Variants in GRAMD1B observed in about 807,000 individuals in gnomAD.
GRAMD1B encodes the protein protein Aster-B.
GRAMD1B carries 37 observed loss-of-function variants against 99.7 expected under a neutral mutation model. That is an observed-to-expected ratio of 0.37 (90% CI 0.29 to 0.49). The LOEUF (loss-of-function observed/expected upper bound fraction) is 0.49, where lower values mean the gene tolerates loss of function less well. Among genes scored for constraint, GRAMD1B ranks in the 20% least tolerant of loss-of-function variants. The pLI is 0.98. For missense variants in GRAMD1B, 888 were observed against 1,009.2 expected, an observed-to-expected ratio of 0.88 and a Z score of 1.63; for synonymous variants, 427 against 387.6, an observed-to-expected ratio of 1.10 and a Z score of -1.19.
chr11:123,583,319 G>C (rs1175990393), intron 3 of GRAMD1B, among the ~76,000 whole-genome samples: 2 of 147,360 alleles, frequency 1.4e-5, no homozygotes, highest in South Asian at 2.3e-4. Context: ...TGCACGTGTG[G>C]ATGTGTGTGC....
intron 2 of GRAMD1B, among the ~76,000 whole-genome samples, chr11:123,548,589 T>C (rs77265201): frequency 8.5e-4 from 129 of 151,960 alleles, no homozygotes; most frequent in Middle Eastern, 3.4e-3. Flanking sequence ...CTGGATTCGA[T>C]GCTTGAAAAT....
At chr11:123,428,282 G>A (rs189333336), upstream of GRAMD1B, among the ~76,000 whole-genome samples, 10 of 152,212 alleles carry the variant, frequency 6.6e-5, no homozygotes, top group East Asian at 1.5e-3. Flanking sequence ...CTTAGCTCCC[G>A]ATCCTGAAGT....
At chr11:123,496,631 T>C (rs1381447508) in intron 2 of GRAMD1B, among the ~76,000 whole-genome samples, 1 of 151,576 alleles carries the variant, frequency 6.6e-6, no homozygotes, top group Admixed American at 6.6e-5. Context: ...GCATGCTTCA[T>C]TGTTTTTTAT....
At chr11:123,600,130 A>C (rs1432933535) in intron 7 of GRAMD1B, among the ~76,000 whole-genome samples, 1 of 152,226 alleles carries the variant, frequency 6.6e-6, no homozygotes, top group Non-Finnish European at 1.5e-5. Flanking sequence ...CCTTCCATTT[A>C]GGCTAGTTCA....
chr11:123,495,887 T>C (rs1939197304), intron 2 of GRAMD1B, among the ~76,000 whole-genome samples: 1 of 152,208 alleles, frequency 6.6e-6, no homozygotes, highest in African/African-American at 2.4e-5. Context: ...AGCTTTCTGT[T>C]GTTCTTTATG....
At chr11:123,553,010 G>A (rs931355843) in intron 2 of GRAMD1B, among the ~76,000 whole-genome samples, 1 of 152,210 alleles carries the variant, frequency 6.6e-6, no homozygotes, top group Non-Finnish European at 1.5e-5. Flanking sequence ...GGTTAAAATA[G>A]TATAGACCAA....
At chr11:123,598,755 G>A (rs1345314398) in intron 7 of GRAMD1B, 2 of 905,782 alleles carry the variant, frequency 2.2e-6, no homozygotes, top group Admixed American at 3.4e-5. Context: ...AGCACTGCTT[G>A]TCTCTTTCGG....
At chr11:123,433,355 G>A (rs1435222854) in intron 1 of GRAMD1B, among the ~76,000 whole-genome samples, 1 of 152,164 alleles carries the variant, frequency 6.6e-6, no homozygotes, top group Non-Finnish European at 1.5e-5. Flanking sequence ...TCCAGCCTGG[G>A]CAACAAGAGC....
chr11:123,574,786 CAGGTAG>C (rs1436135128), intron 2 of GRAMD1B, among the ~76,000 whole-genome samples: 2 of 152,094 alleles, frequency 1.3e-5, no homozygotes, highest in African/African-American at 4.8e-5. Context: ...GGGCCGGAAG[CAGGTAG>C]AGGAGTCTCT....
In GRAMD1B at chr11:123,593,783, C is replaced by T. The variant is rs1397716091; in HGVS notation, c.685-299C>T. 2.6e-5 allele frequency among the ~76,000 whole-genome samples: 4 copies of T among 152,108 alleles called. No individual in the cohort carries two copies. The South Asian group carries it at 8.3e-4, about 32-fold the overall frequency. On this transcript the variant is annotated intron_variant, in intron 4 of 19. Coordinates refer to ENST00000635736, the MANE Select transcript of GRAMD1B (RefSeq NM_001387025.1). ...GGCATGGTGGATACCAGGAAGCACC[C>T]TGGAGGTGTCCCTCCTTCCTTTCTC...
intron 2 of GRAMD1B, among the ~76,000 whole-genome samples, chr11:123,556,122 CTCT>C (rs1250989587): frequency 2.6e-5 from 4 of 152,332 alleles, no homozygotes; most frequent in East Asian, 1.9e-4. Flanking sequence ...ATCCCTGTTT[CTCT>C]TCTTCTTTGT....
chr11:123,404,739 A>G (rs1453709307), intron 1 of GRAMD1B, among the ~76,000 whole-genome samples: 1 of 152,270 alleles, frequency 6.6e-6, no homozygotes, highest in Non-Finnish European at 1.5e-5. Context: ...GCATTACTCA[A>G]CTTCGTCTGC....
At chr11:123,379,094 T>A (rs774163592) in intron 1 of GRAMD1B, among the ~76,000 whole-genome samples, 11 of 152,216 alleles carry the variant, frequency 7.2e-5, no homozygotes, top group South Asian at 6.2e-4. Context: ...GTTAGAGGGA[T>A]GGAATGAGGT....
chr11:123,423,578 T>C (rs1948535898), intron 1 of GRAMD1B, among the ~76,000 whole-genome samples: 1 of 152,214 alleles, frequency 6.6e-6, no homozygotes, highest in Admixed American at 6.5e-5. Flanking sequence ...AGCAATCTCA[T>C]TTCTTCTCTG....
intron 1 of GRAMD1B, among the ~76,000 whole-genome samples, chr11:123,479,816 T>C (rs1951491592): frequency 6.6e-6 from 1 of 152,322 alleles, no homozygotes; most frequent in Admixed American, 6.5e-5. Flanking sequence ...TAAAACTTCA[T>C]TTGTGGACAC....
intron 1 of GRAMD1B, among the ~76,000 whole-genome samples, chr11:123,375,074 C>T (rs1946648754): frequency 6.6e-6 from 1 of 152,138 alleles, no homozygotes; most frequent in African/African-American, 2.4e-5. Flanking sequence ...AGGATAGTAT[C>T]TTCATGATCT....
At chr11:123,493,612 G>A (rs1418461051) in intron 2 of GRAMD1B, among the ~76,000 whole-genome samples, 1 of 152,176 alleles carries the variant, frequency 6.6e-6, no homozygotes, top group African/African-American at 2.4e-5. Flanking sequence ...AGACCTACCC[G>A]CAGGCAGCCC....
chr11:123,618,938 T>C, intron 18 of GRAMD1B, 138 bp downstream of exon 18: 1 of 703,706 alleles, frequency 1.4e-6, no homozygotes, highest in South Asian at 1.7e-5. Context: ...TCAGAATCTC[T>C]CCCTATAGTT....
chr11:123,360,944 G>A (rs933108747), intron 1 of GRAMD1B, among the ~76,000 whole-genome samples: 3 of 152,100 alleles, frequency 2.0e-5, no homozygotes, highest in South Asian at 2.1e-4. Context: ...AGCCTCCCGA[G>A]TAGCTGGGAT....
Sources: allele counts gnomAD v4.1 joint callset (sites outside exome capture counted in the v4.1 genomes callset), GRCh38; gene constraint gnomAD v4.1.1; transcripts MANE v1.5; gene names NCBI Gene and HGNC (gene_info 2026-07-23, HGNC 2026-07-21).